EHBP1: variants seen among roughly 807,000 people sequenced by gnomAD.
The protein encoded by EHBP1 is EH domain-binding protein 1.
Under a neutral mutation model 144.0 loss-of-function variants are expected in EHBP1, and 55 were observed. The ratio of observed to expected loss-of-function variants is 0.38; its 90% CI spans 0.31 to 0.48. EHBP1 has a LOEUF of 0.48. Among genes scored for constraint, EHBP1 ranks in the 20% least tolerant of loss-of-function variants. The pLI, the probability that EHBP1 is intolerant of heterozygous loss-of-function variation, is 0.98. For missense variants in EHBP1, 1,200 were observed against 1,364.2 expected (o/e 0.88, Z 1.90); for synonymous variants, 469 against 472.7 (o/e 0.99, Z 0.10).
At chr2:62,951,208 T>C (rs979553816) in intron 13 of EHBP1, among the ~76,000 whole-genome samples, 1 of 152,162 alleles carries the variant, frequency 6.6e-6, no homozygotes, top group Non-Finnish European at 1.5e-5. Context: ...TCAAACAATA[T>C]ACGTATAGGT....
rs11892147 is a variant in EHBP1, at chr2:62,779,117, A to G, written c.312+7725A>G. ...CATGGAGTCAGTTTATAATCTAACT[A>G]TCAGTAGAGATGGCTCAGCCTTTTT... On this transcript the variant is annotated intron_variant, in intron 5 of 22. Transcript: ENST00000431489. Among the ~76,000 whole-genome samples the G allele has an allele frequency of 2.0e-3, 300 of 152,318 alleles. 3 individuals are homozygous for G. Among genetic ancestry groups the G allele is most frequent in the African/African-American group, 6.3e-3 (263 of 41,568 alleles).
At chr2:62,727,016 C>A (rs1026652923) in intron 2 of EHBP1, among the ~76,000 whole-genome samples, 1 of 152,154 alleles carries the variant, frequency 6.6e-6, no homozygotes, top group Admixed American at 6.5e-5. Context: ...GCACATGCCA[C>A]CACGCCCGAC....
chr2:63,025,330 T>A (rs879288150), intron 19 of EHBP1, among the ~76,000 whole-genome samples: 7 of 152,204 alleles, frequency 4.6e-5, no homozygotes, highest in Non-Finnish European at 8.8e-5. Flanking sequence ...GATGCAGTCA[T>A]AGCTCGCTGC....
chr2:62,835,714 T>A (rs1181801223), intron 7 of EHBP1, among the ~76,000 whole-genome samples: 2 of 151,744 alleles, frequency 1.3e-5, no homozygotes, highest in Non-Finnish European at 2.9e-5. Flanking sequence ...CCTTTCCGAG[T>A]CAAAGAAAGG....
chr2:63,021,718 G>A (rs2060757353), intron 19 of EHBP1, among the ~76,000 whole-genome samples: 1 of 152,056 alleles, frequency 6.6e-6, no homozygotes, highest in African/African-American at 2.4e-5. Context: ...GTACTTTATA[G>A]AAGGGTGCAA....
At position 62,743,384 on chromosome 2, in the gene EHBP1, G is replaced by A. The variant is rs2038891968; in HGVS notation, c.105-4011G>A. The stretch of plus-strand genomic sequence containing the variant: ...TTTATAAATAGTTTCTTTAAGCTAA[G>A]GTCTTTTCATCTTCTCTATGTTCTC... On this transcript the variant is annotated intron_variant, in intron 2 of 22. Transcript: ENST00000431489. 3.3e-5 allele frequency among the ~76,000 whole-genome samples: 5 copies of A among 151,990 alleles called. No individual in the cohort carries two copies. In the South Asian group the frequency reaches 8.3e-4, roughly 25 times the overall value.
chr2:62,944,635 T>C (rs1188780872), intron 12 of EHBP1, among the ~76,000 whole-genome samples: 1 of 152,166 alleles, frequency 6.6e-6, no homozygotes, highest in Non-Finnish European at 1.5e-5. Context: ...CCCACATAAT[T>C]AATCAATATA....
intron 2 of EHBP1, among the ~76,000 whole-genome samples, chr2:62,719,150 A>G (rs1265148107): frequency 6.6e-6 from 1 of 151,876 alleles, no homozygotes; most frequent in Non-Finnish European, 1.5e-5. Context: ...TATTTTTTGT[A>G]GAGGCAAAGT....
At chr2:62,862,315 A>G (rs2049629338) in intron 8 of EHBP1, among the ~76,000 whole-genome samples, 1 of 152,224 alleles carries the variant, frequency 6.6e-6, no homozygotes, top group Non-Finnish European at 1.5e-5. Context: ...ACTTTAAAAT[A>G]TAAAAGTCAT....
intron 2 of EHBP1, among the ~76,000 whole-genome samples, chr2:62,745,451 A>G (rs1008602829): frequency 2.6e-5 from 4 of 151,922 alleles, no homozygotes; most frequent in African/African-American, 9.7e-5. Context: ...AGAGAAAGTG[A>G]TAAATTAGGG....
chr2:62,930,580 T>C (rs1183931176), intron 10 of EHBP1, among the ~76,000 whole-genome samples: 1 of 151,958 alleles, frequency 6.6e-6, no homozygotes, highest in Non-Finnish European at 1.5e-5. Context: ...AAAACAAGCC[T>C]CGAAAAGAAC....
chr2:62,978,329 T>C lies in EHBP1; in HGVS notation c.2461-859T>C, dbSNP rs1259627723. On this transcript the variant is annotated intron_variant, in intron 14 of 22. Transcript: ENST00000431489. ...GATTCTCCTGCCTCAGCTTCCCGAG[T>C]AGCTGGGACTACAGGCACGTGCCAC... 2.0e-5 allele frequency among the ~76,000 whole-genome samples: 3 copies of C among 151,730 alleles called. No homozygotes were observed. The East Asian group carries it at 5.8e-4, about 30-fold the overall frequency.
chr2:62,885,053 A>G (rs2051809851), intron 10 of EHBP1, among the ~76,000 whole-genome samples: 1 of 152,220 alleles, frequency 6.6e-6, no homozygotes. Flanking sequence ...ATAGTTGAAT[A>G]ATAAAAAATT....
chr2:62,836,548 G>T (rs1448938762), intron 7 of EHBP1, among the ~76,000 whole-genome samples: 1 of 136,934 alleles, frequency 7.3e-6, no homozygotes, highest in Non-Finnish European at 1.6e-5. Context: ...TCTGAGCTAC[G>T]GGAGGACATT....
At chr2:63,006,975 A>C (rs1266398742) in intron 19 of EHBP1, among the ~76,000 whole-genome samples, 1 of 151,914 alleles carries the variant, frequency 6.6e-6, no homozygotes, top group Admixed American at 6.6e-5. Context: ...CATTTATTGC[A>C]CAGAAACACA....
intron 9 of EHBP1, among the ~76,000 whole-genome samples, chr2:62,867,140 A>G (rs1558822397): frequency 6.6e-6 from 1 of 152,174 alleles, no homozygotes; most frequent in East Asian, 1.9e-4. Context: ...TCTTATTTTT[A>G]AAAATCTCTC....
At chr2:62,763,920 TAATAA>T (rs1293402104) in intron 3 of EHBP1, among the ~76,000 whole-genome samples, 1 of 152,120 alleles carries the variant, frequency 6.6e-6, no homozygotes, top group Non-Finnish European at 1.5e-5. Context: ...ATATCTCTTC[TAATAA>T]AATACTTTAA....
chr2:62,949,434 T>A (rs1380006228), intron 13 of EHBP1, among the ~76,000 whole-genome samples: 1 of 152,144 alleles, frequency 6.6e-6, no homozygotes, highest in Non-Finnish European at 1.5e-5. Context: ...ATACCTGCTG[T>A]ATATTTAAGG....
intron 2 of EHBP1, among the ~76,000 whole-genome samples, chr2:62,742,374 A>AACTGT (rs1315750571): frequency 6.6e-6 from 1 of 152,136 alleles, no homozygotes; most frequent in African/African-American, 2.4e-5. Context: ...ATGGAGAGAC[A>AACTGT]ACTGTACTAT....
Sources: allele counts gnomAD v4.1 joint callset (sites outside exome capture counted in the v4.1 genomes callset), GRCh38; gene constraint gnomAD v4.1.1; transcripts MANE v1.5; gene names NCBI Gene and HGNC (gene_info 2026-07-23, HGNC 2026-07-21).